The following PRELID2 variants were observed in gnomAD, a reference collection of about 807,000 sequenced individuals.
PRELID2 encodes PRELI domain containing 2, also known as PRELI domain-containing protein 2.
Under a neutral mutation model 28.4 loss-of-function variants are expected in PRELID2, and 25 were observed. The observed-to-expected ratio is 0.88, with a 90% CI of 0.64 to 1.23. The LOEUF (loss-of-function observed/expected upper bound fraction) is 1.23, where lower values mean the gene tolerates loss of function less well. PRELID2 is among the 50% of genes most tolerant of loss of function. The probability of loss-of-function intolerance (pLI) is 0.00; values close to 1 mark genes in which losing one functional copy is unlikely to be tolerated. For missense variants in PRELID2, 201 were observed against 214.4 expected, an observed-to-expected ratio of 0.94 and a Z score of 0.39; for synonymous variants, 76 against 71.6, an observed-to-expected ratio of 1.06 and a Z score of -0.31.
At chr5:145,659,141 T>C (rs1754446534) in intron 1 of PRELID2, among the ~76,000 whole-genome samples, 1 of 152,154 alleles carries the variant, frequency 6.6e-6, no homozygotes, top group African/African-American at 2.4e-5. Flanking sequence ...TGGCACAGAC[T>C]TCAAGGTCAG....
chr5:145,291,337 GAAAAAAAA>G, the PRELID2 span, among the ~76,000 whole-genome samples: 48 of 41,732 alleles, frequency 1.2e-3, no homozygotes, highest in African/African-American at 3.7e-3. Flanking sequence ...CTCTGTTTCA[GAAAAAAAA>G]AAAAAAAAAA....
At chr5:145,229,710 G>T in the PRELID2 span, 1 of 757,262 alleles carries the variant, frequency 1.3e-6, no homozygotes. Flanking sequence ...AGACATCAAG[G>T]TCTTCACCAC....
At chr5:145,495,326 T>C (rs563854542) in intron 1 of PRELID2, among the ~76,000 whole-genome samples, 3 of 152,316 alleles carry the variant, frequency 2.0e-5, no homozygotes, top group South Asian at 2.1e-4. Flanking sequence ...ACAGTGTGAA[T>C]TGAGCATCAG....
the PRELID2 span, among the ~76,000 whole-genome samples, chr5:145,460,904 T>C: frequency 2.0e-5 from 3 of 152,374 alleles, no homozygotes; most frequent in African/African-American, 7.2e-5. Flanking sequence ...TATATGAAAC[T>C]AGAAATGTAT....
chr5:145,521,328 G>A (rs1209292215), intron 1 of PRELID2, among the ~76,000 whole-genome samples: 1 of 152,120 alleles, frequency 6.6e-6, no homozygotes, highest in Admixed American at 6.6e-5. Context: ...GCTATTGCCT[G>A]TCACATGGTT....
chr5:145,555,493 C>G (rs1171341888), intron 1 of PRELID2, among the ~76,000 whole-genome samples: 3 of 152,138 alleles, frequency 2.0e-5, no homozygotes, highest in Non-Finnish European at 4.4e-5. Flanking sequence ...AGTTTTACTA[C>G]AGTTGAGTAT....
chr5:145,320,866 G>A, the PRELID2 span, among the ~76,000 whole-genome samples: 1 of 152,076 alleles, frequency 6.6e-6, no homozygotes, highest in Non-Finnish European at 1.5e-5. Context: ...CTCAGTTAAG[G>A]CAACCTCTGT....
intron 1 of PRELID2, among the ~76,000 whole-genome samples, chr5:145,487,385 C>G (rs1486549103): frequency 6.6e-6 from 1 of 152,170 alleles, no homozygotes; most frequent in Non-Finnish European, 1.5e-5. Flanking sequence ...TGGAAACTAT[C>G]TGATCCCAGG....
chr5:145,411,776 C>T, the PRELID2 span, among the ~76,000 whole-genome samples: 1 of 152,166 alleles, frequency 6.6e-6, no homozygotes, highest in South Asian at 2.1e-4. Flanking sequence ...GGGCTCCATC[C>T]CTGTATCAAA....
chr5:145,791,431 T>A (rs1490507631), intron 5 of PRELID2, among the ~76,000 whole-genome samples: 4 of 152,172 alleles, frequency 2.6e-5, no homozygotes, highest in African/African-American at 9.7e-5. Context: ...ACAATGCAGA[T>A]GAACACTGAA....
intron 1 of PRELID2, among the ~76,000 whole-genome samples, chr5:145,717,315 T>C (rs940115456): frequency 6.6e-6 from 1 of 152,102 alleles, no homozygotes; most frequent in African/African-American, 2.4e-5. Flanking sequence ...TTGAGGGTGA[T>C]AAAGATGTCT....
At chr5:145,785,182 A>C (rs1369193933) in intron 5 of PRELID2, among the ~76,000 whole-genome samples, 1 of 152,190 alleles carries the variant, frequency 6.6e-6, no homozygotes, top group Admixed American at 6.5e-5. Flanking sequence ...AAAATCCTAT[A>C]AAATGGGGTT....
At chr5:145,826,341 G>T (rs939676891) in intron 1 of PRELID2, 8 of 233,528 alleles carry the variant, frequency 3.4e-5, no homozygotes, top group African/African-American at 1.9e-4. Context: ...TGAAGACCCA[G>T]ATATCTGCCA....
chr5:145,261,756 C>CA, the PRELID2 span, among the ~76,000 whole-genome samples: 1 of 152,158 alleles, frequency 6.6e-6, no homozygotes, highest in South Asian at 2.1e-4. Flanking sequence ...AGGAGACAAA[C>CA]AATTCTGGTA....
chr5:145,409,324 G>A, the PRELID2 span, among the ~76,000 whole-genome samples: 1 of 152,058 alleles, frequency 6.6e-6, no homozygotes, highest in Non-Finnish European at 1.5e-5. Context: ...AAAAAACAAC[G>A]TATTCAGGTA....
chr5:145,680,868 G>A (rs75136862), intron 1 of PRELID2, among the ~76,000 whole-genome samples: 2,050 of 152,266 alleles, frequency 0.013, 40 homozygotes, highest in African/African-American at 0.047. Flanking sequence ...CATCGCCAAG[G>A]AAGGCTATGG....
intron 1 of PRELID2, among the ~76,000 whole-genome samples, chr5:145,642,324 T>G (rs1381845508): frequency 1.3e-5 from 2 of 152,250 alleles, no homozygotes; most frequent in East Asian, 3.8e-4. Context: ...TTTAGAGAAG[T>G]GTCTGTTCAT....
chr5:145,346,990 GT>G, the PRELID2 span, among the ~76,000 whole-genome samples: 1 of 152,114 alleles, frequency 6.6e-6, no homozygotes, highest in South Asian at 2.1e-4. Context: ...TATGGTCAGT[GT>G]TCCCCCTTCA....
intron 1 of PRELID2, among the ~76,000 whole-genome samples, chr5:145,615,444 A>G (rs1394439150): frequency 7.2e-6 from 1 of 138,590 alleles, no homozygotes; most frequent in East Asian, 2.1e-4. Flanking sequence ...CTCCTGCCTC[A>G]GCCTCCCGAG....
Sources: allele counts gnomAD v4.1 joint callset (sites outside exome capture counted in the v4.1 genomes callset), GRCh38; gene constraint gnomAD v4.1.1; transcripts MANE v1.5; gene names NCBI Gene and HGNC (gene_info 2026-07-23, HGNC 2026-07-21).